The following TMED3 variants were observed in gnomAD, a reference collection of about 807,000 sequenced individuals.
The protein encoded by TMED3 is transmembrane p24 trafficking protein 3, also known as transmembrane emp24 domain-containing protein 3.
Under a neutral mutation model 15.0 loss-of-function variants are expected in TMED3, and 9 were observed. That is an observed-to-expected ratio of 0.60 (90% CI 0.36 to 1.04). The LOEUF (loss-of-function observed/expected upper bound fraction) is 1.04, where lower values mean the gene tolerates loss of function less well. TMED3 is among the 50% of genes least tolerant of loss of function. The pLI, the probability that TMED3 is intolerant of heterozygous loss-of-function variation, is 0.01. For synonymous variants in TMED3, 117 were observed against 121.4 expected (o/e 0.96, Z 0.24); for missense variants, 267 against 278.9 (o/e 0.96, Z 0.30).
chr15:79,391,662 C>T (rs1466568248), intron 2 of TMED3, among the ~76,000 whole-genome samples: 1 of 129,896 alleles, frequency 7.7e-6, no homozygotes, highest in Non-Finnish European at 1.6e-5. Context: ...TTGATGACAT[C>T]TAGTGCTGTC....
Position 79,388,129 on chromosome 15 carries a change from G to C in TMED3, c.418-23271G>C, listed in dbSNP as rs372511996. Among the ~76,000 whole-genome samples the C allele has an allele frequency of 2.6e-5, 4 of 152,076 alleles. No individual in the cohort carries two copies. In the East Asian group the frequency reaches 7.7e-4, roughly 29 times the overall value. ...TGATGCCCAGTAAAGTGATGAATAG[G>C]ACTGGTGATAGTGAGTGAATATTTT... On this transcript the variant is annotated intron_variant, in intron 2 of 2. Transcript: ENST00000424155.
At chr15:79,404,761 G>A (rs1893880657) in intron 2 of TMED3, among the ~76,000 whole-genome samples, 1 of 152,156 alleles carries the variant, frequency 6.6e-6, no homozygotes, top group African/African-American at 2.4e-5. Flanking sequence ...GACCATTTAG[G>A]GTGATGAGCT....
chr15:79,347,070 C>G (rs897352050), intron 2 of TMED3, among the ~76,000 whole-genome samples: 2 of 152,064 alleles, frequency 1.3e-5, no homozygotes, highest in South Asian at 2.1e-4. Context: ...GGCAGAGACA[C>G]AACAGATAAA....
intron 2 of TMED3, among the ~76,000 whole-genome samples, chr15:79,329,586 C>T (rs542869899): frequency 6.6e-6 from 1 of 152,194 alleles, no homozygotes; most frequent in East Asian, 1.9e-4. Context: ...AGCTGTTGAC[C>T]CTGTAAGGCA....
At chr15:79,343,893 G>A (rs1444994672) in intron 2 of TMED3, among the ~76,000 whole-genome samples, 1 of 152,188 alleles carries the variant, frequency 6.6e-6, no homozygotes, top group African/African-American at 2.4e-5. Context: ...CTAGCACTCT[G>A]TTTTGGCCAT....
chr15:79,372,497 C>T (rs770359757), intron 2 of TMED3, among the ~76,000 whole-genome samples: 3 of 152,192 alleles, frequency 2.0e-5, no homozygotes, highest in South Asian at 4.1e-4. Flanking sequence ...TTAATTGACT[C>T]ACAGTTCAGC....
chr15:79,385,327 A>G lies in TMED3; in HGVS notation c.418-26073A>G, dbSNP rs1266566913. Reference sequence around the variant, plus strand: ...AGGTGAGAGGTCCGCACCTACCCCTAGGAAGGGGGGCAGAATCCAGGGAGC... The same window carrying G: ...AGGTGAGAGGTCCGCACCTACCCCTGGGAAGGGGGGCAGAATCCAGGGAGC... On this transcript the variant is annotated intron_variant, in intron 2 of 2. Coordinates refer to the TMED3 transcript ENST00000424155. Among the ~76,000 whole-genome samples, 3 of 152,158 alleles carry G rather than the reference A, an allele frequency of 2.0e-5. No homozygotes were observed. The South Asian group carries it at 6.2e-4, about 32-fold the overall frequency.
intron 2 of TMED3, among the ~76,000 whole-genome samples, chr15:79,368,987 C>T (rs1178558223): frequency 1.3e-5 from 2 of 151,396 alleles, no homozygotes; most frequent in East Asian, 1.9e-4. Flanking sequence ...CCCCGCTACT[C>T]GAGAGGCTGA....
downstream of TMED3, among the ~76,000 whole-genome samples, chr15:79,325,944 A>G (rs1267165997): frequency 3.3e-5 from 5 of 152,196 alleles, no homozygotes; most frequent in Non-Finnish European, 7.3e-5. Context: ...CATTGAGGGT[A>G]GGTGGGTCAT....
intron 2 of TMED3, among the ~76,000 whole-genome samples, chr15:79,353,575 T>TACACACACACAC (rs55929180): frequency 1.6e-3 from 216 of 135,590 alleles, no homozygotes; most frequent in African/African-American, 5.2e-3. Flanking sequence ...GGGTTAAAAA[T>TACACACACACAC]ACACACACAC....
chr15:79,368,321 T>C (rs1354876841), intron 2 of TMED3, among the ~76,000 whole-genome samples: 1 of 152,142 alleles, frequency 6.6e-6, no homozygotes, highest in Non-Finnish European at 1.5e-5. Context: ...CAATGGATGG[T>C]CAGAATCCAA....
At chr15:79,392,974 C>A (rs769467224) in intron 2 of TMED3, among the ~76,000 whole-genome samples, 1 of 152,180 alleles carries the variant, frequency 6.6e-6, no homozygotes, top group Non-Finnish European at 1.5e-5. Flanking sequence ...CTTCAGGGAT[C>A]CCCAGAAGTG....
chr15:79,395,062 C>T (rs548268227), intron 2 of TMED3, among the ~76,000 whole-genome samples: 21 of 151,850 alleles, frequency 1.4e-4, no homozygotes, highest in Non-Finnish European at 1.3e-4. Flanking sequence ...TCTTTTCATT[C>T]TTTTCTACTC....
chr15:79,333,240 T>A (rs16970860), intron 2 of TMED3, among the ~76,000 whole-genome samples: 2 of 152,130 alleles, frequency 1.3e-5, no homozygotes, highest in Admixed American at 1.3e-4. Flanking sequence ...TAGAACATTC[T>A]TGGTCAAACT....
At position 79,328,301 on chromosome 15, in the gene TMED3, C is replaced by T. The variant is rs145606516; in HGVS notation, c.417+14296C>T. On this transcript the variant is annotated intron_variant, in intron 2 of 2. Coordinates refer to the TMED3 transcript ENST00000424155. The stretch of plus-strand genomic sequence containing the variant: ...TCTGGCTTCTCGTATCACTTGCCTT[C>T]GAAAAGAAAATATATTTGAGTTGCA... Among the ~76,000 whole-genome samples, 10 of 151,724 alleles carry T rather than the reference C, an allele frequency of 6.6e-5. No homozygotes were observed. The East Asian group carries it at 9.7e-4, about 15-fold the overall frequency.
intron 2 of TMED3, among the ~76,000 whole-genome samples, chr15:79,358,032 A>G (rs1224159712): frequency 1.3e-5 from 2 of 152,188 alleles, no homozygotes; most frequent in Admixed American, 6.5e-5. Context: ...ACGTTCATTT[A>G]TCAGATAAAT....
intron 2 of TMED3, among the ~76,000 whole-genome samples, chr15:79,336,971 G>A (rs1021125888): frequency 1.3e-5 from 2 of 152,192 alleles, no homozygotes; most frequent in African/African-American, 4.8e-5. Flanking sequence ...CAAGGGGCTT[G>A]AAAGCTCTGG....
chr15:79,398,023 C>T (rs1893784515), intron 2 of TMED3, among the ~76,000 whole-genome samples: 1 of 152,178 alleles, frequency 6.6e-6, no homozygotes, highest in Non-Finnish European at 1.5e-5. Flanking sequence ...CGTTAGAGTT[C>T]ACTCTTGGTG....
intron 2 of TMED3, among the ~76,000 whole-genome samples, chr15:79,335,991 T>C (rs954826301): frequency 4.6e-5 from 7 of 152,176 alleles, no homozygotes; most frequent in Non-Finnish European, 8.8e-5. Flanking sequence ...ACACAGAGAA[T>C]TTAATCTTTT....
Sources: gnomAD v4.1 joint callset for allele counts (sites outside exome capture counted in the v4.1 genomes callset) on GRCh38, gnomAD v4.1.1 for gene constraint, MANE v1.5 for transcripts, NCBI Gene and HGNC (gene_info 2026-07-23, HGNC 2026-07-21) for gene names.